The following CHIC1 variants were observed in gnomAD, a reference collection of about 807,000 sequenced individuals.
CHIC1 encodes cysteine-rich hydrophobic domain-containing protein 1.
A neutral mutation model predicts 18.5 loss-of-function variants in CHIC1; 7 were observed. That is an observed-to-expected ratio of 0.38 (90% confidence interval 0.22 to 0.71). CHIC1 has a LOEUF of 0.71. Among genes scored for constraint, CHIC1 ranks in the 30% least tolerant of loss-of-function variants. The pLI, the probability that CHIC1 is intolerant of heterozygous loss-of-function variation, is 0.49. For missense variants in CHIC1, 159 were observed against 176.9 expected (o/e 0.90, Z 0.57); for synonymous variants, 77 against 73.5 (o/e 1.05, Z -0.25).
At chrX:73,660,705 G>C (rs1159922673) in intron 3 of CHIC1, among the ~76,000 whole-genome samples, 1 of 110,711 alleles carries the variant, frequency 9.0e-6, no homozygotes, top group Non-Finnish European at 1.9e-5. Context: ...TTCATTTCTG[G>C]TACCGGGTTG....
At chrX:73,592,284 A>C (rs1315983708) in intron 3 of CHIC1, among the ~76,000 whole-genome samples, 2 of 111,174 alleles carry the variant, frequency 1.8e-5, no homozygotes, top group Non-Finnish European at 3.8e-5. Flanking sequence ...TCCAGTTCTC[A>C]AAAAGGCTGG....
At chrX:73,678,152 G>A (rs1226198117) in intron 3 of CHIC1, among the ~76,000 whole-genome samples, 2 of 111,857 alleles carry the variant, frequency 1.8e-5, no homozygotes, top group Admixed American at 9.4e-5. Flanking sequence ...TGCATGGGCA[G>A]CACAGTGTAA....
At chrX:73,589,142 C>T (rs896337068) in intron 3 of CHIC1, among the ~76,000 whole-genome samples, 1 of 109,874 alleles carries the variant, frequency 9.1e-6, no homozygotes, top group African/African-American at 3.3e-5. Context: ...TGAGATCATT[C>T]TTCTTTCTTA....
At chrX:73,627,404 C>G (rs766319854) in intron 3 of CHIC1, among the ~76,000 whole-genome samples, 8 of 112,712 alleles carry the variant, frequency 7.1e-5, no homozygotes, top group Non-Finnish European at 1.3e-4. Flanking sequence ...GGCAAGATCA[C>G]CCAGGCCTTG....
At position 73,632,120 on chromosome X, in the gene CHIC1, G is replaced by A. The variant is rs1208214719; in HGVS notation, c.508-47206G>A. ...CTGTCTGTATGATTTATCCATTGTTGCAAGTGGTTTATAAATGTATATTTA... is the reference window on the plus strand; with the variant it reads ...CTGTCTGTATGATTTATCCATTGTTACAAGTGGTTTATAAATGTATATTTA... On this transcript the variant is annotated intron_variant, in intron 3 of 5. Coordinates refer to ENST00000373502, the MANE Select transcript of CHIC1 (RefSeq NM_001039840.4). Among the ~76,000 whole-genome samples, 3 of 112,010 alleles carry A rather than the reference G, an allele frequency of 2.7e-5. No individual in the cohort carries two copies. The East Asian group carries it at 8.4e-4, about 31-fold the overall frequency.
chrX:73,609,371 G>A (rs1269893736), intron 3 of CHIC1, among the ~76,000 whole-genome samples: 1 of 108,050 alleles, frequency 9.3e-6, no homozygotes, highest in African/African-American at 3.6e-5. Context: ...TGTTGAGTAA[G>A]TTTCTTTCCA....
chrX:73,589,042 C>A (rs1432242530), intron 3 of CHIC1, among the ~76,000 whole-genome samples: 2 of 109,661 alleles, frequency 1.8e-5, no homozygotes, highest in African/African-American at 6.6e-5. Flanking sequence ...TATTTCATTT[C>A]TCTCCACTCT....
chrX:73,654,670 G>C (rs1388280813), intron 3 of CHIC1, among the ~76,000 whole-genome samples: 1 of 111,806 alleles, frequency 8.9e-6, no homozygotes, highest in Non-Finnish European at 1.9e-5. Flanking sequence ...TGGGCATTTT[G>C]TTGTTTTGAG....
chrX:73,657,289 G>A (rs1018137253), intron 3 of CHIC1, among the ~76,000 whole-genome samples: 1 of 109,970 alleles, frequency 9.1e-6, no homozygotes, highest in Non-Finnish European at 1.9e-5. Context: ...CTTGATCCCC[G>A]ACCTCATGAT....
At chrX:73,627,111 A>G (rs1603345092) in intron 3 of CHIC1, among the ~76,000 whole-genome samples, 1 of 94,253 alleles carries the variant, frequency 1.1e-5, no homozygotes, top group African/African-American at 4.3e-5. Context: ...CCAGGCAGAG[A>G]CTCTTCTTCT....
chrX:73,677,080 C>G (rs367844534), intron 3 of CHIC1, among the ~76,000 whole-genome samples: 1 of 111,328 alleles, frequency 9.0e-6, no homozygotes, highest in Non-Finnish European at 1.9e-5. Flanking sequence ...GCTGCCTGAT[C>G]GTTCCTCTGG....
chrX:73,615,333 G>T (rs1479636378), intron 3 of CHIC1, among the ~76,000 whole-genome samples: 1 of 111,708 alleles, frequency 9.0e-6, no homozygotes, highest in Non-Finnish European at 1.9e-5. Context: ...TCTCCAGTCA[G>T]GGTGCTTCAG....
chrX:73,568,014 C>T (rs1029270998), intron 1 of CHIC1, among the ~76,000 whole-genome samples: 5 of 111,548 alleles, frequency 4.5e-5, no homozygotes, highest in African/African-American at 1.6e-4. Flanking sequence ...CAGTACCTGA[C>T]AAGAGGTGAG....
chrX:73,586,593 A>G (rs1057286323), intron 3 of CHIC1, among the ~76,000 whole-genome samples: 9 of 112,139 alleles, frequency 8.0e-5, no homozygotes, highest in Non-Finnish European at 9.4e-5. Context: ...AATTGGAAGT[A>G]TGATTCACAT....
chrX:73,675,106 G>A (rs959354382), intron 3 of CHIC1, among the ~76,000 whole-genome samples: 1 of 112,143 alleles, frequency 8.9e-6, no homozygotes, highest in Non-Finnish European at 1.9e-5. Flanking sequence ...GAGACAGTTT[G>A]TTATAATTTC....
chrX:73,663,266 G>A (rs982125075), intron 3 of CHIC1, among the ~76,000 whole-genome samples: 9 of 111,020 alleles, frequency 8.1e-5, no homozygotes, highest in Non-Finnish European at 1.3e-4. Context: ...CTATGTGGCC[G>A]GCTTTTAATT....
rs747582231 is a variant in CHIC1, at chrX:73,592,892, T to G, written c.507+8320T>G. Among the ~76,000 whole-genome samples, 16 of 111,272 alleles carry G rather than the reference T, an allele frequency of 1.4e-4. No individual in the cohort carries two copies. In the East Asian group the frequency reaches 4.5e-3, roughly 32 times the overall value. ...TTTCAATTTTGGAACGTGTTATTGT[T>G]CTGTTCAGGGTTTCCATTTTTTTTT... is the stretch of plus-strand genomic sequence containing the variant. On this transcript the variant is annotated intron_variant, in intron 3 of 5. Transcript: ENST00000373502.
At chrX:73,605,745 C>A (rs2057679764) in intron 3 of CHIC1, among the ~76,000 whole-genome samples, 2 of 108,707 alleles carry the variant, frequency 1.8e-5, no homozygotes, top group African/African-American at 7.2e-5. Flanking sequence ...TTCTCCTTCA[C>A]TTATGATGCT....
At chrX:73,674,649 G>A (rs1215835584) in intron 3 of CHIC1, among the ~76,000 whole-genome samples, 5 of 110,956 alleles carry the variant, frequency 4.5e-5, no homozygotes, top group African/African-American at 1.3e-4. Flanking sequence ...TCTTTCTAGC[G>A]GTCTATCAAT....
Sources: gnomAD v4.1 joint callset for allele counts (sites outside exome capture counted in the v4.1 genomes callset) on GRCh38, gnomAD v4.1.1 for gene constraint, MANE v1.5 for transcripts, NCBI Gene and HGNC (gene_info 2026-07-23, HGNC 2026-07-21) for gene names.